YWHAG: variants seen among roughly 807,000 people sequenced by gnomAD.
YWHAG encodes 14-3-3 protein gamma.
In YWHAG, 1 loss-of-function variant was observed where a neutral mutation model predicts 23.3. The observed-to-expected ratio is 0.04, with a 90% confidence interval of 0.02 to 0.20. The LOEUF (loss-of-function observed/expected upper bound fraction) is 0.20, where lower values mean the gene tolerates loss of function less well. Ranked by LOEUF, YWHAG falls within the 10% of genes least tolerant of loss-of-function variation. YWHAG has a pLI of 1.00. For missense variants in YWHAG, 151 were observed against 338.6 expected (o/e 0.45, Z 4.35); for synonymous variants, 160 against 144.0 (o/e 1.11, Z -0.80).
At chr7:76,353,137 A>AT (rs1210482638) in intron 1 of YWHAG, among the ~76,000 whole-genome samples, 2 of 152,206 alleles carry the variant, frequency 1.3e-5, no homozygotes, top group Non-Finnish European at 2.9e-5. Flanking sequence ...TACAATTTTT[A>AT]TTTTTTCTAC....
intron 1 of YWHAG, among the ~76,000 whole-genome samples, chr7:76,334,657 C>T (rs1803592024): frequency 6.6e-6 from 1 of 152,086 alleles, no homozygotes; most frequent in South Asian, 2.1e-4. Context: ...CACAAGTGAT[C>T]CTCCAGCCTT....
At chr7:76,334,416 G>A (rs893107708) in intron 1 of YWHAG, among the ~76,000 whole-genome samples, 17 of 152,132 alleles carry the variant, frequency 1.1e-4, no homozygotes, top group African/African-American at 3.6e-4. Flanking sequence ...TTTCAAAACA[G>A]TCATTAAATT....
chr7:76,352,222 A>G (rs73703147), intron 1 of YWHAG, among the ~76,000 whole-genome samples: 1,967 of 152,368 alleles, frequency 0.013, 45 homozygotes, highest in African/African-American at 0.044. Context: ...CTTTAGAGTC[A>G]TATGAGTAAT....
intron 1 of YWHAG, among the ~76,000 whole-genome samples, chr7:76,332,768 A>G (rs575868584): frequency 6.7e-6 from 1 of 149,584 alleles, no homozygotes; most frequent in African/African-American, 2.5e-5. Flanking sequence ...GTGCAATGGC[A>G]TGATGTCGGC....
chr7:76,341,825 C>A (rs1440174575), intron 1 of YWHAG, among the ~76,000 whole-genome samples: 3 of 152,138 alleles, frequency 2.0e-5, no homozygotes, highest in Non-Finnish European at 4.4e-5. Context: ...TTATGCAAGT[C>A]TGAACATACT....
At chr7:76,349,853 G>C (rs963747861) in intron 1 of YWHAG, among the ~76,000 whole-genome samples, 3 of 152,152 alleles carry the variant, frequency 2.0e-5, no homozygotes, top group Admixed American at 2.0e-4. Flanking sequence ...AATTAGCCAG[G>C]CGTGGTGGTG....
chr7:76,341,517 T>G (rs1235877072), intron 1 of YWHAG, among the ~76,000 whole-genome samples: 2 of 151,574 alleles, frequency 1.3e-5, no homozygotes, highest in African/African-American at 4.9e-5. Context: ...GAGGAACGGC[T>G]GAACAAAACG....
intron 1 of YWHAG, among the ~76,000 whole-genome samples, chr7:76,333,062 C>A (rs1803568592): frequency 1.3e-5 from 2 of 152,114 alleles, no homozygotes; most frequent in Admixed American, 6.6e-5. Flanking sequence ...CCTCAGCCTC[C>A]CAGGGCTTCA....
chr7:76,332,712 A>C (rs2115596237), intron 1 of YWHAG, among the ~76,000 whole-genome samples: 1 of 140,092 alleles, frequency 7.1e-6, no homozygotes, highest in Non-Finnish European at 1.5e-5. Context: ...TTTTTTGGAG[A>C]CAGAGTTTCA....
At chr7:76,342,976 A>G (rs576203805) in intron 1 of YWHAG, among the ~76,000 whole-genome samples, 1 of 152,222 alleles carries the variant, frequency 6.6e-6, no homozygotes, top group Admixed American at 6.5e-5. Context: ...GTCTCTACTA[A>G]AAATACAAAA....
rs978434504 is a variant in YWHAG at position 76,327,153 on chromosome 7, C to G, written c.*2424G>C. ...AACTGCATGTCACTATAGCAACATC[C>G]AAAACAGATCAATTTGTTACAATCA... On this transcript the variant is annotated 3_prime_UTR_variant, in exon 2 of 2. Coordinates refer to ENST00000307630, the MANE Select transcript of YWHAG (RefSeq NM_012479.4). 1 of 151,646 alleles carries G rather than the reference C, an allele frequency of 6.6e-6. No individual in the cohort carries two copies. Among genetic ancestry groups the G allele is most frequent in the Non-Finnish European group, 1.5e-5 (1 of 67,950 alleles). The allele number at this position is 151,646 out of a possible 1,614,324, so 9.4% of individuals were successfully genotyped here.
intron 1 of YWHAG, among the ~76,000 whole-genome samples, chr7:76,341,487 A>G (rs1803693637): frequency 6.6e-6 from 1 of 152,040 alleles, no homozygotes. Context: ...AGGTGGAAAC[A>G]ATGCAAATGT....
chr7:76,330,560 T>C (rs1803528080), intron 1 of YWHAG, among the ~76,000 whole-genome samples: 3 of 152,240 alleles, frequency 2.0e-5, no homozygotes, highest in African/African-American at 7.2e-5. Flanking sequence ...AGTGGTTTTT[T>C]AGGAAAACGG....
chr7:76,355,565 C>T (rs1762782087), intron 1 of YWHAG, among the ~76,000 whole-genome samples: 1 of 152,130 alleles, frequency 6.6e-6, no homozygotes, highest in South Asian at 2.1e-4. Flanking sequence ...AGAACTCCAC[C>T]TCTGAAGAGT....
rs1435310572 is a variant in YWHAG at position 76,327,617 on chromosome 7, A to T, written c.*1960T>A. ...TTCCAAATGCTACAAGGAAAAACGC[A>T]ACACTGCTCACTGGACATGAAGATA... On this transcript the variant is annotated 3_prime_UTR_variant, in exon 2 of 2. Coordinates refer to ENST00000307630, the MANE Select transcript of YWHAG (RefSeq NM_012479.4). 6.7e-6 allele frequency: 1 copy of T among 150,206 alleles called. No homozygotes were observed. Among genetic ancestry groups the T allele is most frequent in the African/African-American group, 2.5e-5 (1 of 40,300 alleles). The allele number at this position is 150,206 out of a possible 1,614,324, so 9.3% of individuals were successfully genotyped here.
At chr7:76,357,886 TC>T in intron 1 of YWHAG, among the ~76,000 whole-genome samples, 1 of 152,244 alleles carries the variant, frequency 6.6e-6, no homozygotes, top group East Asian at 1.9e-4. Flanking sequence ...GTGCCTGTAT[TC>T]AAAAAAGAAA....
At chr7:76,358,651 C>T (rs959560887) in intron 1 of YWHAG, 71 bp downstream of exon 1, 1 of 1,439,504 alleles carries the variant, frequency 6.9e-7, no homozygotes, top group Admixed American at 2.0e-5. Context: ...GACGAAGCCC[C>T]GGGCCTTCCA....
intron 1 of YWHAG, among the ~76,000 whole-genome samples, chr7:76,351,462 G>A (rs1333763385): frequency 6.6e-6 from 1 of 152,016 alleles, no homozygotes; most frequent in African/African-American, 2.4e-5. Flanking sequence ...CCAATGTGAA[G>A]GTTTGAAAAT....
chr7:76,334,589 A>AT (rs776154807), intron 1 of YWHAG, among the ~76,000 whole-genome samples: 1 of 151,606 alleles, frequency 6.6e-6, no homozygotes, highest in Admixed American at 6.6e-5. Flanking sequence ...TAATTTTTGT[A>AT]TTTTTTGTAG....
Sources: allele counts gnomAD v4.1 joint callset (sites outside exome capture counted in the v4.1 genomes callset), GRCh38; gene constraint gnomAD v4.1.1; transcripts MANE v1.5; gene names NCBI Gene and HGNC (gene_info 2026-07-23, HGNC 2026-07-21).